The following GRM1 variants were observed in gnomAD, a reference collection of about 807,000 sequenced individuals.
GRM1 encodes the protein glutamate metabotropic receptor 1.
In GRM1, 33 loss-of-function variants were observed where a neutral mutation model predicts 90.9. That is an observed-to-expected ratio of 0.36 (90% CI 0.28 to 0.49). The LOEUF (loss-of-function observed/expected upper bound fraction) is 0.49. GRM1 is among the 20% of genes least tolerant of loss of function. GRM1 has a pLI of 0.99. For synonymous variants in GRM1, 700 were observed against 613.2 expected (o/e 1.14, Z -2.09); for missense variants, 1,190 against 1,534.3 (o/e 0.78, Z 3.75).
chr6:146,130,478 A>C lies in GRM1; in HGVS notation c.701-28870A>C, dbSNP rs1006400665. ...TAACTAGTTTTATTTTATATTTTTA[A>C]GTTTTAATGTTTTTATTTAAAGTAC... On this transcript the variant is annotated intron_variant, in intron 1 of 7. Coordinates refer to ENST00000282753, the MANE Select transcript of GRM1 (RefSeq NM_001278064.2). Among the ~76,000 whole-genome samples the C allele has an allele frequency of 4.6e-5, 7 of 152,118 alleles. 1 individual carries two copies. Among genetic ancestry groups the C allele is most frequent in the Admixed American group, 1.3e-4 (2 of 15,266 alleles).
intron 1 of GRM1, among the ~76,000 whole-genome samples, chr6:146,120,804 G>A (rs1775955709): frequency 6.6e-6 from 1 of 152,146 alleles, no homozygotes; most frequent in Non-Finnish European, 1.5e-5. Context: ...GATCATGGTG[G>A]ATAAGCTTTT....
intron 2 of GRM1, among the ~76,000 whole-genome samples, chr6:146,275,680 T>G (rs1229901420): frequency 1.3e-5 from 2 of 152,194 alleles, no homozygotes; most frequent in Non-Finnish European, 2.9e-5. Context: ...AGTTTCACTC[T>G]TTCATAAACA....
At chr6:146,157,369 A>T (rs1219329396) in intron 1 of GRM1, among the ~76,000 whole-genome samples, 1 of 152,230 alleles carries the variant, frequency 6.6e-6, no homozygotes, top group African/African-American at 2.4e-5. Context: ...GATCTTGACA[A>T]AAGAAGATTT....
chr6:146,368,100 T>C (rs564513573), intron 5 of GRM1, among the ~76,000 whole-genome samples: 5 of 152,270 alleles, frequency 3.3e-5, no homozygotes, highest in Non-Finnish European at 7.4e-5. Flanking sequence ...TAAATTTATT[T>C]ACAGGTATTT....
At chr6:146,403,568 G>C (rs926881168) in intron 7 of GRM1, among the ~76,000 whole-genome samples, 1 of 151,924 alleles carries the variant, frequency 6.6e-6, no homozygotes, top group Non-Finnish European at 1.5e-5. Context: ...ATTCTAAATG[G>C]AATGATGCTC....
chr6:146,156,767 G>C (rs1777541387), intron 1 of GRM1, among the ~76,000 whole-genome samples: 1 of 152,304 alleles, frequency 6.6e-6, no homozygotes, highest in Admixed American at 6.5e-5. Flanking sequence ...AAACAGAGGA[G>C]AGAGAAAGGA....
chr6:146,336,804 G>C (rs574063375), intron 3 of GRM1, among the ~76,000 whole-genome samples: 2 of 152,116 alleles, frequency 1.3e-5, no homozygotes, highest in South Asian at 2.1e-4. Flanking sequence ...GTATATTTTT[G>C]TGCCTGAGTC....
At chr6:146,091,186 T>C (rs770800107) in intron 1 of GRM1, among the ~76,000 whole-genome samples, 2 of 152,042 alleles carry the variant, frequency 1.3e-5, no homozygotes, top group Non-Finnish European at 2.9e-5. Flanking sequence ...AGAAAGAAGC[T>C]GAACTGTTTG....
intron 2 of GRM1, among the ~76,000 whole-genome samples, chr6:146,208,350 A>AT (rs564171870): frequency 2.0e-5 from 3 of 152,024 alleles, no homozygotes; most frequent in South Asian, 2.1e-4. Context: ...AAAAATGTAT[A>AT]TTTTTTTCTG....
chr6:146,384,122 G>A (rs1039151047), intron 5 of GRM1, among the ~76,000 whole-genome samples: 2 of 152,078 alleles, frequency 1.3e-5, no homozygotes, highest in African/African-American at 4.8e-5. Context: ...TCAGAGTTTG[G>A]GAGGACCAAA....
At chr6:146,053,290 T>C (rs906920403) in intron 1 of GRM1, among the ~76,000 whole-genome samples, 1 of 152,144 alleles carries the variant, frequency 6.6e-6, no homozygotes, top group African/African-American at 2.4e-5. Flanking sequence ...TACAAGGTTT[T>C]GCCCAACATG....
intron 2 of GRM1, among the ~76,000 whole-genome samples, chr6:146,264,765 C>CTT: frequency 1.3e-5 from 2 of 152,242 alleles, no homozygotes; most frequent in African/African-American, 4.8e-5. Flanking sequence ...TTAGCTCCTA[C>CTT]ATGTAAGTGA....
chr6:146,373,428 C>T (rs1222559544), intron 5 of GRM1, among the ~76,000 whole-genome samples: 2 of 152,064 alleles, frequency 1.3e-5, no homozygotes, highest in Non-Finnish European at 2.9e-5. Context: ...AAGTGCTACA[C>T]ACTTTTGAAC....
intron 2 of GRM1, among the ~76,000 whole-genome samples, chr6:146,292,076 T>G (rs1469008100): frequency 1.3e-5 from 2 of 151,946 alleles, no homozygotes; most frequent in African/African-American, 4.8e-5. Flanking sequence ...CAACAAATAT[T>G]TCTGAGAGGA....
chr6:146,064,535 T>G (rs1363470976), intron 1 of GRM1, among the ~76,000 whole-genome samples: 1 of 152,208 alleles, frequency 6.6e-6, no homozygotes, highest in Non-Finnish European at 1.5e-5. Context: ...ATTATTCTTT[T>G]TGCTAAAATA....
At chr6:146,190,975 G>A (rs1193524425) in intron 2 of GRM1, among the ~76,000 whole-genome samples, 1 of 152,102 alleles carries the variant, frequency 6.6e-6, no homozygotes, top group African/African-American at 2.4e-5. Context: ...CCTTAAGATT[G>A]GACCCTAGAC....
chr6:146,041,227 A>G (rs981458622), intron 1 of GRM1, among the ~76,000 whole-genome samples: 6 of 152,012 alleles, frequency 3.9e-5, no homozygotes, highest in African/African-American at 1.4e-4. Context: ...GAGAGCTCAC[A>G]TATTGCCATC....
chr6:146,231,027 A>G (rs1780433631), intron 2 of GRM1, among the ~76,000 whole-genome samples: 1 of 152,160 alleles, frequency 6.6e-6, no homozygotes, highest in East Asian at 1.9e-4. Flanking sequence ...AACAGGAAGA[A>G]CATGGAGGAT....
chr6:146,436,872 T>C lies in GRM1; in HGVS notation c.*2076T>C, dbSNP rs941291273. On this transcript the variant is annotated 3_prime_UTR_variant, in exon 8 of 8. Coordinates refer to ENST00000282753, the MANE Select transcript of GRM1 (RefSeq NM_001278064.2). ...ATCTTTAAATATCCATTGCATCATTTGTTCAGAATTTAACATCCATTCCAA... is the reference window on the plus strand; with the variant it reads ...ATCTTTAAATATCCATTGCATCATTCGTTCAGAATTTAACATCCATTCCAA... 6.6e-5 allele frequency: 10 copies of C among 152,662 alleles called. No homozygotes were observed. The highest frequency in any genetic ancestry group is 2.6e-4 in the Admixed American group (4 of 15,292). 9.5% of individuals were successfully genotyped at this position (152,662 alleles called of 1,614,324 possible). A position where few individuals can be genotyped will look rare whatever the true frequency, so the allele number is the denominator to read the frequency against.
Sources: allele counts gnomAD v4.1 joint callset (sites outside exome capture counted in the v4.1 genomes callset), GRCh38; gene constraint gnomAD v4.1.1; transcripts MANE v1.5; gene names NCBI Gene and HGNC (gene_info 2026-07-23, HGNC 2026-07-21).